STAU1: variants seen among roughly 807,000 people sequenced by gnomAD.
STAU1 encodes the protein staufen double-stranded RNA binding protein 1.
STAU1 carries 13 observed loss-of-function variants against 62.9 expected under a neutral mutation model. The ratio of observed to expected loss-of-function variants is 0.21; its 90% CI spans 0.13 to 0.33. The LOEUF (loss-of-function observed/expected upper bound fraction) is 0.33, where lower values mean the gene tolerates loss of function less well. Ranked by LOEUF, STAU1 falls within the 10% of genes least tolerant of loss-of-function variation. The pLI, the probability that STAU1 is intolerant of heterozygous loss-of-function variation, is 1.00. For missense variants in STAU1, 571 were observed against 712.1 expected (o/e 0.80, Z 2.25); for synonymous variants, 269 against 265.1 (o/e 1.01, Z -0.14).
the STAU1 span, among the ~76,000 whole-genome samples, chr20:49,217,967 G>A: frequency 6.6e-6 from 1 of 151,532 alleles, no homozygotes; most frequent in Admixed American, 6.6e-5. Context: ...TCCGCCTCCT[G>A]GGTTCAAGCG....
intron 4 of STAU1, 125 bp downstream of exon 4, chr20:49,153,808 T>C: frequency 2.0e-6 from 2 of 1,015,762 alleles, no homozygotes; most frequent in Non-Finnish European, 1.3e-6. Context: ...TAAGACCAAC[T>C]TCAACACTTG....
At chr20:49,203,980 G>C in the STAU1 span, among the ~76,000 whole-genome samples, 1 of 152,172 alleles carries the variant, frequency 6.6e-6, no homozygotes, top group African/African-American at 2.4e-5. Context: ...ACCTCGCCTG[G>C]CCAGGGGGTA....
At chr20:49,134,728 A>G (rs998389694) in intron 6 of STAU1, 8 of 1,103,716 alleles carry the variant, frequency 7.2e-6, no homozygotes, top group Admixed American at 1.7e-5. Flanking sequence ...AAAAACTCCA[A>G]AAGTGCAATT....
At chr20:49,215,724 T>G in the STAU1 span, among the ~76,000 whole-genome samples, 1 of 152,050 alleles carries the variant, frequency 6.6e-6, no homozygotes, top group Non-Finnish European at 1.5e-5. Flanking sequence ...ACTCCCTGCT[T>G]TGCCAGGCGC....
At chr20:49,184,291 A>AT (rs555404326) in intron 1 of STAU1, among the ~76,000 whole-genome samples, 87 of 149,930 alleles carry the variant, frequency 5.8e-4, no homozygotes, top group Middle Eastern at 6.8e-3. Context: ...AAAAAAAAAA[A>AT]TTTTTTTTTT....
In STAU1 at chr20:49,118,512, T is replaced by C. The variant is rs575151950; in HGVS notation, c.1114-104A>G. Reference sequence around the variant, plus strand: ...TACACAAAGTCCAGTCAGCAATAACTGTGGCAATCGGCAGAAAAACCCTGC... The same window carrying C: ...TACACAAAGTCCAGTCAGCAATAACCGTGGCAATCGGCAGAAAAACCCTGC... On this transcript the variant is annotated intron_variant, in intron 9 of 13. Transcript: ENST00000371856. 4.2e-5 allele frequency: 38 copies of C among 909,044 alleles called. No individual in the cohort carries two copies. In the South Asian group the frequency reaches 5.8e-4, roughly 14 times the overall value. The allele number at this position is 909,044 out of a possible 1,614,324, so 56.3% of individuals were successfully genotyped here.
chr20:49,187,783 C>G (rs890744126), intron 1 of STAU1, among the ~76,000 whole-genome samples: 1 of 138,676 alleles, frequency 7.2e-6, no homozygotes, highest in South Asian at 2.4e-4. Context: ...ACCCCCCCCC[C>G]CCCCCGCCTG....
chr20:49,213,084 C>T, the STAU1 span, among the ~76,000 whole-genome samples: 5 of 152,056 alleles, frequency 3.3e-5, 1 homozygote, highest in Admixed American at 2.6e-4. Flanking sequence ...TGGTTCACTG[C>T]AGCCTTCACC....
chr20:49,128,479 T>C (rs565231126), intron 6 of STAU1, among the ~76,000 whole-genome samples: 22 of 152,198 alleles, frequency 1.4e-4, no homozygotes, highest in Non-Finnish European at 2.8e-4. Context: ...CCGGATCTTC[T>C]TGGAGGAATG....
At chr20:49,199,535 AT>A in the STAU1 span, among the ~76,000 whole-genome samples, 3 of 148,480 alleles carry the variant, frequency 2.0e-5, no homozygotes, top group African/African-American at 7.4e-5. Flanking sequence ...GGCCATGTTT[AT>A]TTTATTCTTT....
chr20:49,147,757 G>T (rs1430451115), intron 5 of STAU1, among the ~76,000 whole-genome samples: 8 of 152,208 alleles, frequency 5.3e-5, no homozygotes, highest in Admixed American at 4.6e-4. Context: ...ACATTTTGTA[G>T]CCATTAGAAA....
At chr20:49,169,821 T>A (rs546696093) in intron 2 of STAU1, among the ~76,000 whole-genome samples, 1 of 152,342 alleles carries the variant, frequency 6.6e-6, no homozygotes, top group East Asian at 1.9e-4. Flanking sequence ...AACATACTCA[T>A]CTTAGGCTCA....
At chr20:49,157,353 C>G (rs1457219263) in intron 3 of STAU1, among the ~76,000 whole-genome samples, 2 of 152,122 alleles carry the variant, frequency 1.3e-5, no homozygotes, top group African/African-American at 4.8e-5. Context: ...GGGTCTTGCT[C>G]TGCTGTCCAG....
chr20:49,128,498 C>G (rs1229924274), intron 6 of STAU1, among the ~76,000 whole-genome samples: 3 of 152,084 alleles, frequency 2.0e-5, no homozygotes, highest in Non-Finnish European at 4.4e-5. Flanking sequence ...TGGCCAAGAC[C>G]ATTTCTATTA....
intron 6 of STAU1, 105 bp from the exon 7 acceptor site, chr20:49,124,692 G>A (rs1375936790): frequency 5.4e-6 from 6 of 1,120,724 alleles, no homozygotes; most frequent in Non-Finnish European, 6.6e-6. Flanking sequence ...GGGGAACCAA[G>A]GACAAGACCT....
intron 3 of STAU1, 134 bp from the exon 4 acceptor site, chr20:49,154,205 G>T: frequency 1.2e-6 from 1 of 840,476 alleles, no homozygotes; most frequent in Non-Finnish European, 1.8e-6. Flanking sequence ...GTGGCTCACT[G>T]CTAGGCATCA....
chr20:49,149,875 G>C (rs2093210884), intron 5 of STAU1, among the ~76,000 whole-genome samples: 1 of 151,944 alleles, frequency 6.6e-6, no homozygotes, highest in Admixed American at 6.6e-5. Context: ...AGACTCAGCA[G>C]GCACCCTGCC....
At chr20:49,177,923 G>A (rs2093679777) in intron 1 of STAU1, among the ~76,000 whole-genome samples, 1 of 151,720 alleles carries the variant, frequency 6.6e-6, no homozygotes, top group Non-Finnish European at 1.5e-5. Flanking sequence ...GCTCACGCCT[G>A]TAATCCCAAC....
chr20:49,145,352 A>G (rs2093104044), intron 5 of STAU1, among the ~76,000 whole-genome samples: 2 of 125,722 alleles, frequency 1.6e-5, no homozygotes, highest in Admixed American at 2.1e-4. Context: ...TGAAGCTGGG[A>G]GGCGGAGGTT....
Sources: allele counts gnomAD v4.1 joint callset (sites outside exome capture counted in the v4.1 genomes callset), GRCh38; gene constraint gnomAD v4.1.1; transcripts MANE v1.5; gene names NCBI Gene and HGNC (gene_info 2026-07-23, HGNC 2026-07-21).